The following AEBP2 variants were observed in gnomAD, a reference collection of about 807,000 sequenced individuals.
AEBP2 encodes AE binding protein 2.
A neutral mutation model predicts 50.8 loss-of-function variants in AEBP2; 10 were observed. The observed-to-expected ratio is 0.20, with a 90% confidence interval of 0.12 to 0.33. The LOEUF (loss-of-function observed/expected upper bound fraction) is 0.33, where lower values mean the gene tolerates loss of function less well. Among genes scored for constraint, AEBP2 ranks in the 10% least tolerant of loss-of-function variants. AEBP2 has a pLI of 1.00. For synonymous variants in AEBP2, 296 were observed against 261.3 expected, an observed-to-expected ratio of 1.13 and a Z score of -1.28; for missense variants, 570 against 688.0, an observed-to-expected ratio of 0.83 and a Z score of 1.92.
chr12:19,408,860 G>A (rs1001963105), intron 1 of AEBP2, among the ~76,000 whole-genome samples: 4 of 151,912 alleles, frequency 2.6e-5, no homozygotes, highest in South Asian at 2.1e-4. Flanking sequence ...CCGAGATCTC[G>A]CTACTGCACT....
At chr12:19,475,488 CT>C (rs113662250) in intron 3 of AEBP2, among the ~76,000 whole-genome samples, 6 of 150,956 alleles carry the variant, frequency 4.0e-5, no homozygotes, top group African/African-American at 1.5e-4. Context: ...ACTGCATTTT[CT>C]TTATCCACTT....
At chr12:19,498,778 C>T (rs760029666) in intron 4 of AEBP2, among the ~76,000 whole-genome samples, 1 of 151,988 alleles carries the variant, frequency 6.6e-6, no homozygotes, top group Non-Finnish European at 1.5e-5. Flanking sequence ...AATGTTCTTA[C>T]CAAATTAAAT....
intron 3 of AEBP2, among the ~76,000 whole-genome samples, chr12:19,475,745 C>A (rs1402566490): frequency 1.3e-5 from 2 of 152,088 alleles, no homozygotes; most frequent in African/African-American, 4.8e-5. Context: ...CACATCCATG[C>A]CAACATCTGT....
At chr12:19,468,510 T>C (rs902697707) in intron 2 of AEBP2, among the ~76,000 whole-genome samples, 2 of 152,218 alleles carry the variant, frequency 1.3e-5, no homozygotes, top group African/African-American at 4.8e-5. Flanking sequence ...CATTGCACTT[T>C]TTTGCAGTGG....
chr12:19,448,671 A>G (rs565997911), intron 1 of AEBP2, among the ~76,000 whole-genome samples: 2 of 152,084 alleles, frequency 1.3e-5, no homozygotes, highest in East Asian at 3.9e-4. Context: ...AAAAGAGAAC[A>G]GTTTTTTTTT....
At chr12:19,494,982 C>G (rs994466765) in intron 4 of AEBP2, among the ~76,000 whole-genome samples, 1 of 151,868 alleles carries the variant, frequency 6.6e-6, no homozygotes, top group Non-Finnish European at 1.5e-5. Flanking sequence ...TCTCGGCTCA[C>G]TGCAACCTCC....
At chr12:19,498,931 A>C (rs1034353106) in intron 4 of AEBP2, among the ~76,000 whole-genome samples, 4 of 152,134 alleles carry the variant, frequency 2.6e-5, no homozygotes, top group Non-Finnish European at 5.9e-5. Context: ...GGATTACTTG[A>C]GCCCAGAAGT....
intron 1 of AEBP2, among the ~76,000 whole-genome samples, chr12:19,428,558 T>A (rs2095749787): frequency 6.6e-6 from 1 of 152,222 alleles, no homozygotes; most frequent in African/African-American, 2.4e-5. Flanking sequence ...ACGCCTGTAA[T>A]TCCAGCACTT....
At chr12:19,474,732 T>C (rs1441890057) in intron 3 of AEBP2, among the ~76,000 whole-genome samples, 2 of 152,180 alleles carry the variant, frequency 1.3e-5, no homozygotes, top group Non-Finnish European at 2.9e-5. Flanking sequence ...ACCAAGTTTC[T>C]TCCATTCTTG....
intron 1 of AEBP2, chr12:19,457,153 G>A (rs1194234459): frequency 1.9e-6 from 3 of 1,597,732 alleles, no homozygotes; most frequent in Non-Finnish European, 2.5e-6. Context: ...CTGGCTGTAG[G>A]GTGGCTCAGT....
At chr12:19,462,839 T>C (rs778813965) in intron 2 of AEBP2, 122 bp downstream of exon 2, 4 of 869,730 alleles carry the variant, frequency 4.6e-6, no homozygotes, top group Non-Finnish European at 6.8e-6. Flanking sequence ...CTTAGTTTTT[T>C]CAAGTGAATT....
chr12:19,510,408 T>C (rs962766513), intron 5 of AEBP2, among the ~76,000 whole-genome samples: 1 of 152,174 alleles, frequency 6.6e-6, no homozygotes, highest in African/African-American at 2.4e-5. Context: ...CTATGTATAA[T>C]TGTGTATGCG....
chr12:19,495,553 T>TG (rs1948965837), intron 4 of AEBP2, among the ~76,000 whole-genome samples: 1 of 151,980 alleles, frequency 6.6e-6, no homozygotes, highest in East Asian at 1.9e-4. Context: ...CTTGCTTTTT[T>TG]TTTTTTTTGA....
At chr12:19,412,560 G>A (rs1052781137) in intron 1 of AEBP2, among the ~76,000 whole-genome samples, 2 of 151,944 alleles carry the variant, frequency 1.3e-5, no homozygotes, top group Non-Finnish European at 2.9e-5. Context: ...TTACAGGTGT[G>A]AGCCACTGCA....
chr12:19,462,710 G>A lies in AEBP2; in HGVS notation c.872G>A (p.Arg291Gln), dbSNP rs1372440852. Residue 291 changes from arginine (R) to glutamine (Q), a missense_variant, in exon 2 of 8, where the codon CGA becomes CAA. Arg to Gln is a conservative substitution (Grantham distance 43). Transcript: ENST00000266508. ...CGTTCCATACATGTAGATGGTCAGC[G>A]AGGAGGGGTTGGTTTTGTCATTTCT... Reference protein sequence around the residue: ...HIRSIHVDGQRGGVFVCLWKG... With the variant: ...HIRSIHVDGQQGGVFVCLWKG... 6.3e-6 allele frequency: 10 copies of A among 1,591,000 alleles called. No homozygotes were observed. The highest frequency in any genetic ancestry group is 1.7e-4 in the Middle Eastern group (1 of 6,000).
At chr12:19,443,458 C>T (rs1357709154) in intron 1 of AEBP2, among the ~76,000 whole-genome samples, 2 of 151,796 alleles carry the variant, frequency 1.3e-5, no homozygotes, top group African/African-American at 2.4e-5. Context: ...GTGGCTCACC[C>T]CTGTAATCCC....
chr12:19,454,465 C>T (rs1258994836), intron 1 of AEBP2, among the ~76,000 whole-genome samples: 2 of 152,100 alleles, frequency 1.3e-5, no homozygotes, highest in Admixed American at 6.6e-5. Context: ...GATTTGCAAG[C>T]ATGATTTTAT....
At chr12:19,510,211 G>A (rs1163858119) in intron 5 of AEBP2, among the ~76,000 whole-genome samples, 2 of 152,264 alleles carry the variant, frequency 1.3e-5, no homozygotes, top group South Asian at 4.1e-4. Context: ...AGACTGAATT[G>A]TCTACCATAT....
In AEBP2 at chr12:19,429,426, C is replaced by T. The variant is rs148919622; in HGVS notation, c.-17+25210C>T. ...AAGTCTTTGCTATTGTGAATAGTGC[C>T]GCAATAAACACACGTGTGCATGTGT... On this transcript the variant is annotated intron_variant, in intron 1 of 3. Coordinates refer to the AEBP2 transcript ENST00000538425. 5.5e-3 allele frequency among the ~76,000 whole-genome samples: 832 copies of T among 152,176 alleles called. 6 individuals carry two copies. Among genetic ancestry groups the T allele is most frequent in the Non-Finnish European group, 8.9e-3 (605 of 68,002 alleles).
Sources: allele counts gnomAD v4.1 joint callset (sites outside exome capture counted in the v4.1 genomes callset), GRCh38; gene constraint gnomAD v4.1.1; transcripts MANE v1.5; gene names NCBI Gene and HGNC (gene_info 2026-07-23, HGNC 2026-07-21).